ZBED4: variants seen among roughly 807,000 people sequenced by gnomAD.
The protein encoded by ZBED4 is zinc finger BED domain-containing protein 4.
ZBED4 carries 4 observed loss-of-function variants against 15.5 expected under a neutral mutation model. The observed-to-expected ratio is 0.26, with a 90% confidence interval of 0.13 to 0.59. The LOEUF is 0.59. Among genes scored for constraint, ZBED4 ranks in the 20% least tolerant of loss-of-function variants. The pLI is 0.90. For missense variants in ZBED4, 1,323 were observed against 1,461.8 expected, an observed-to-expected ratio of 0.91 and a Z score of 1.55; for synonymous variants, 692 against 608.5, an observed-to-expected ratio of 1.14 and a Z score of -2.02.
In ZBED4 at chr22:49,887,573, T is replaced by C. The variant is rs528131636; in HGVS notation, c.*395T>C. ...CCACAAATCAGGTACTGTATTTTAG[T>C]GAAGCATTGCTTTAATTGCAACAGA... On this transcript the variant is annotated 3_prime_UTR_variant, in exon 2 of 2. Transcript: ENST00000216268. 1 of 179,254 alleles carries C rather than the reference T, an allele frequency of 5.6e-6. No homozygotes were observed. The highest frequency in any genetic ancestry group is 1.7e-4 in the East Asian group (1 of 5,950). 11.1% of individuals were successfully genotyped at this position (179,254 alleles called of 1,614,324 possible). A position where few individuals can be genotyped will look rare whatever the true frequency, so the allele number is the denominator to read the frequency against.
At chr22:49,872,356 A>G (rs1439950034) in intron 1 of ZBED4, among the ~76,000 whole-genome samples, 2 of 152,182 alleles carry the variant, frequency 1.3e-5, no homozygotes, top group African/African-American at 2.4e-5. Flanking sequence ...ATTCCGCCGT[A>G]TCTTTGGGTT....
intron 1 of ZBED4, among the ~76,000 whole-genome samples, chr22:49,854,930 T>G (rs1266301154): frequency 6.6e-6 from 1 of 152,210 alleles, no homozygotes; most frequent in East Asian, 1.9e-4. Flanking sequence ...ACAGAAATGT[T>G]TTTTATTTTT....
At chr22:49,875,000 T>C (rs778840492) in intron 1 of ZBED4, among the ~76,000 whole-genome samples, 2 of 152,218 alleles carry the variant, frequency 1.3e-5, no homozygotes, top group African/African-American at 4.8e-5. Context: ...ATTTTTTGAC[T>C]ATTAAACCAA....
At chr22:49,870,562 C>T (rs185657821) in intron 1 of ZBED4, among the ~76,000 whole-genome samples, 1 of 152,234 alleles carries the variant, frequency 6.6e-6, no homozygotes, top group African/African-American at 2.4e-5. Context: ...TTGATTTGCA[C>T]TTCTCTGATG....
intron 1 of ZBED4, among the ~76,000 whole-genome samples, chr22:49,859,402 G>C (rs1254987987): frequency 6.6e-6 from 1 of 152,098 alleles, no homozygotes; most frequent in African/African-American, 2.4e-5. Flanking sequence ...AGCTATAAAT[G>C]TGACTAGTTG....
chr22:49,884,503 A>G lies in ZBED4; in HGVS notation c.841A>G (p.Thr281Ala). Residue 281 changes from threonine (T) to alanine (A), a missense_variant, in exon 2 of 2, where the codon ACC becomes GCC. By Grantham distance (58) the Thr-to-Ala change is moderately conservative (BLOSUM62 0). Around this residue, in one of 6 missense-constraint regions of ZBED4, gnomAD observed 380 missense variants for 413.7 expected, o/e 0.92. Coordinates refer to ENST00000216268, the MANE Select transcript of ZBED4 (RefSeq NM_014838.3). ...AEKSLPLPKS[T>A]SGSRRRSAVW... ...GAAGAGCCTTCCACTTCCAAAGAGC[A>G]CCTCTGGGTCCAGGAGAAGGTCCGC... 6.2e-7 allele frequency: 1 copy of G among 1,614,114 alleles called. No homozygotes were observed. Among genetic ancestry groups the G allele is most frequent in the African/African-American group, 1.3e-5 (1 of 75,040 alleles).
intron 1 of ZBED4, among the ~76,000 whole-genome samples, chr22:49,870,943 ATTT>A (rs61472662): frequency 3.6e-5 from 5 of 138,120 alleles, no homozygotes; most frequent in Non-Finnish European, 3.1e-5. Flanking sequence ...TAAAAGATAG[ATTT>A]TTTTTTTTTT....
chr22:49,871,110 T>C (rs2060345140), intron 1 of ZBED4, among the ~76,000 whole-genome samples: 2 of 73,404 alleles, frequency 2.7e-5, no homozygotes, highest in African/African-American at 5.6e-5. Context: ...CTGGCTAATA[T>C]ATTTTTTTTT....
intron 1 of ZBED4, among the ~76,000 whole-genome samples, chr22:49,875,882 G>A (rs1236066837): frequency 1.3e-5 from 2 of 151,548 alleles, no homozygotes; most frequent in African/African-American, 2.4e-5. Context: ...AATATTTGTA[G>A]AAGCTTATCA....
In ZBED4 at chr22:49,887,828, T is replaced by TA. The variant is rs2060448215; in HGVS notation, c.*651dup. The stretch of plus-strand genomic sequence containing the variant: ...ATTTCAGGTTTCTGCATTCAGGCTT[T>TA]ACATGGTCAGTTAACTCAGAGATAC... On this transcript the variant is annotated 3_prime_UTR_variant, in exon 2 of 2. Transcript: ENST00000216268. The TA allele has an allele frequency of 6.0e-6, 1 of 167,294 alleles. No individual in the cohort carries two copies. The highest frequency in any genetic ancestry group is 1.5e-5 in the Non-Finnish European group (1 of 68,148). 10.4% of individuals were successfully genotyped at this position (167,294 alleles called of 1,614,324 possible).
chr22:49,869,032 G>A (rs1300736512), intron 1 of ZBED4, among the ~76,000 whole-genome samples: 1 of 151,176 alleles, frequency 6.6e-6, no homozygotes, highest in Admixed American at 6.6e-5. Flanking sequence ...ACTGAGGCAG[G>A]AGAATCACTT....
At chr22:49,857,140 T>C (rs1020686079) in intron 1 of ZBED4, among the ~76,000 whole-genome samples, 2 of 152,180 alleles carry the variant, frequency 1.3e-5, no homozygotes, top group African/African-American at 4.8e-5. Flanking sequence ...TGGTCTCTGC[T>C]CCACCTGTTT....
chr22:49,884,731 A>T lies in ZBED4; in HGVS notation c.1069A>T (p.Thr357Ser). ...GIPPLYSTPPTLLPSLLPPEG... is the reference protein window; with the variant it reads ...GIPPLYSTPPSLLPSLLPPEG... The stretch of plus-strand genomic sequence containing the variant: ...CCCGCCACTGTACTCCACCCCTCCC[A>T]CTCTGCTGCCTTCCTTGCTGCCGCC... The change falls in exon 2 of 2, where the codon ACT becomes TCT. Residue 357 changes from threonine (T) to serine (S), a missense_variant. Physicochemically the swap from Thr to Ser is moderately conservative, Grantham distance 58 (BLOSUM62 1). Around this residue, in one of 6 missense-constraint regions of ZBED4, gnomAD observed 429 missense variants for 397.9 expected, o/e 1.08. Transcript: ENST00000216268. 1.3e-6 allele frequency: 2 copies of T among 1,592,974 alleles called. No individual in the cohort carries two copies. Among genetic ancestry groups the T allele is most frequent in the South Asian group, 1.1e-5 (1 of 88,188 alleles).
rs1265094877 is a variant in ZBED4 at position 49,884,692 on chromosome 22, G to C, written c.1030G>C (p.Gly344Arg). The change falls in exon 2 of 2, where the codon GGG becomes CGG. Residue 344 changes from glycine to arginine, a missense_variant. This residue lies in a region of ZBED4 where 429 missense variants were observed against 397.9 expected (regional missense o/e 1.08). Transcript: ENST00000216268. ...AHRAIVLQEN[G>R]GTGIPPLYST... ...CCGCGCCATCGTGTTGCAGGAGAAC[G>C]GGGGCACGGGCATCCCGCCACTGTA... 6.2e-7 allele frequency: 1 copy of C among 1,601,886 alleles called. No homozygotes were observed.
rs764079284 is a variant in ZBED4 at position 49,885,423 on chromosome 22, C to T, written c.1761C>T (p.Ser587=). ...VVCLHCGRTI[S]RGKKPTNLGT... Reference sequence around the variant, plus strand: ...GCTTGCACTGTGGCCGGACCATCAGCCGGGGGAAGAAGCCGACTAACTTGG... The same window carrying T: ...GCTTGCACTGTGGCCGGACCATCAGTCGGGGGAAGAAGCCGACTAACTTGG... The change falls in exon 2 of 2, where the codon AGC becomes AGT. Residue 587 remains serine, a synonymous_variant. Transcript: ENST00000216268. 1 of 1,608,782 alleles carries T rather than the reference C, an allele frequency of 6.2e-7. No homozygotes were observed.
In ZBED4 at chr22:49,861,460, G is replaced by C. The variant is rs569226420; in HGVS notation, c.-330+7471G>C. 9.2e-5 allele frequency among the ~76,000 whole-genome samples: 14 copies of C among 152,216 alleles called. No individual in the cohort carries two copies. In the South Asian group the frequency reaches 2.7e-3, roughly 29 times the overall value. On this transcript the variant is annotated intron_variant, in intron 1 of 1. Coordinates refer to ENST00000216268, the MANE Select transcript of ZBED4 (RefSeq NM_014838.3). ...CCTGACCTGTTTGTTTTGAGATAGC[G>C]TCTGGCTCTGTTGCCCAGGCTGGAG...
chr22:49,867,464 G>A (rs995705076), intron 1 of ZBED4, among the ~76,000 whole-genome samples: 22 of 152,230 alleles, frequency 1.4e-4, no homozygotes, highest in Admixed American at 9.8e-4. Context: ...CTGACTTTCT[G>A]TCTAGTTCTG....
chr22:49,886,279 C>T lies in ZBED4; in HGVS notation c.2617C>T (p.Leu873=). The change falls in exon 2 of 2, where the codon CTG becomes TTG. Residue 873 remains leucine, a synonymous_variant. Transcript: ENST00000216268. This position sits in a 1 kb window ranked among gnomAD's most constrained non-coding sequence, Gnocchi z 7.7. ...CAAGGCGAAGGAGAAACTGGCCGAG[C>T]TGCAGAGGGAGTACGCGCTGCCTCA... ...SPKAKEKLAE[L]QREYALPQHH... is the part of the protein sequence containing the mutation. The T allele has an allele frequency of 7.2e-7, 1 of 1,389,950 alleles. No homozygotes were observed. The highest frequency in any genetic ancestry group is 1.0e-6 in the Non-Finnish European group (1 of 1,003,868). The allele number at this position is 1,389,950 out of a possible 1,614,324, so 86.1% of individuals were successfully genotyped here.
chr22:49,867,638 G>A (rs76246971), intron 1 of ZBED4, among the ~76,000 whole-genome samples: 1,631 of 152,258 alleles, frequency 0.011, 44 homozygotes, highest in East Asian at 0.039. Flanking sequence ...TCTGTGGGCC[G>A]TCCAGTGATA....
Sources: allele counts gnomAD v4.1 joint callset (sites outside exome capture counted in the v4.1 genomes callset), GRCh38; gene constraint gnomAD v4.1.1; regional missense constraint gnomAD v4.1.1; non-coding constraint Gnocchi (gnomAD v3.1); transcripts MANE v1.5; gene names NCBI Gene and HGNC (gene_info 2026-07-23, HGNC 2026-07-21).